NUB1: variants seen among roughly 807,000 people sequenced by gnomAD.
The protein encoded by NUB1 is negative regulator of ubiquitin like proteins 1.
In NUB1, 41 loss-of-function variants were observed where a neutral mutation model predicts 77.1. The observed-to-expected ratio is 0.53, with a 90% CI of 0.41 to 0.69. The LOEUF (loss-of-function observed/expected upper bound fraction) is 0.69, where lower values mean the gene tolerates loss of function less well. Ranked by LOEUF, NUB1 falls within the 30% of genes least tolerant of loss-of-function variation. The pLI is 0.00. For synonymous variants in NUB1, 257 were observed against 281.0 expected, an observed-to-expected ratio of 0.91 and a Z score of 0.85; for missense variants, 643 against 743.8, an observed-to-expected ratio of 0.86 and a Z score of 1.58.
At chr7:151,356,422 C>G (rs1425064726) in intron 7 of NUB1, among the ~76,000 whole-genome samples, 200 bp downstream of exon 7, 1 of 152,218 alleles carries the variant, frequency 6.6e-6, no homozygotes, top group Non-Finnish European at 1.5e-5. Flanking sequence ...CGCATTAGTA[C>G]AAAATGTCAT....
Position 151,355,949 on chromosome 7 carries a change from A to G in NUB1, c.597A>G (p.Arg199=). The G allele has an allele frequency of 6.2e-7, 1 of 1,613,544 alleles. No homozygotes were observed. The highest frequency in any genetic ancestry group is 8.5e-7 in the Non-Finnish European group (1 of 1,179,654). The change falls in exon 6 of 15, where the codon AGA becomes AGG. Residue 199 remains arginine (R), a splice_region_variant and synonymous_variant. Transcript: ENST00000568733. ...TKRGLEILAK[R]AAETVVDPEM... ...GAGGACTAGAAATACTGGCAAAGAG[A>G]GGTACCCAGAGCTCTGGGCTTGTCA...
In NUB1 at chr7:151,377,417, C is replaced by T; in HGVS notation, c.*192C>T. The stretch of plus-strand genomic sequence containing the variant: ...CGTGGTCTCGGGGAAGAAGCTTCCT[C>T]TGGCCTGGCGCAGGCCGTTCCATCT... On this transcript the variant is annotated 3_prime_UTR_variant, in exon 15 of 15. Transcript: ENST00000568733. 6.4e-6 allele frequency: 3 copies of T among 467,880 alleles called. No homozygotes were observed. Among genetic ancestry groups the T allele is most frequent in the Non-Finnish European group, 1.1e-5 (3 of 265,526 alleles). 29.0% of individuals were successfully genotyped at this position (467,880 alleles called of 1,614,324 possible). A position where few individuals can be genotyped will look rare whatever the true frequency, so the allele number is the denominator to read the frequency against.
chr7:151,372,432 C>T (rs535231168), intron 11 of NUB1, among the ~76,000 whole-genome samples: 32 of 152,332 alleles, frequency 2.1e-4, no homozygotes, highest in African/African-American at 6.5e-4. Flanking sequence ...TGCCCAGGTC[C>T]GCTGGCTGGC....
At chr7:151,344,930 G>A (rs1217380752) in intron 1 of NUB1, among the ~76,000 whole-genome samples, 6 of 152,142 alleles carry the variant, frequency 3.9e-5, no homozygotes, top group Non-Finnish European at 8.8e-5. Flanking sequence ...AACCCAGGGG[G>A]CGGAGCTTGC....
chr7:151,341,970 G>C (rs1681940384), intron 1 of NUB1, 124 bp downstream of exon 1: 1 of 1,327,070 alleles, frequency 7.5e-7, no homozygotes, highest in Non-Finnish European at 9.6e-7. Flanking sequence ...GCGGGGGTGA[G>C]CAGCCATGCG....
At chr7:151,364,941 C>T (rs1164248683) in intron 8 of NUB1, among the ~76,000 whole-genome samples, 2 of 151,228 alleles carry the variant, frequency 1.3e-5, no homozygotes, top group Non-Finnish European at 2.9e-5. Flanking sequence ...AATTGTAAAC[C>T]AAAGCAATGT....
intron 11 of NUB1, 142 bp downstream of exon 11, chr7:151,369,029 ACAGAGT>A: frequency 2.1e-6 from 2 of 959,796 alleles, no homozygotes; most frequent in Non-Finnish European, 2.9e-6. Flanking sequence ...TTTTCTTGAG[ACAGAGT>A]CTCACTTTGT....
chr7:151,367,794 G>C (rs1380935155), intron 9 of NUB1, 67 bp from the exon 10 acceptor site: 1 of 983,232 alleles, frequency 1.0e-6, no homozygotes, highest in Non-Finnish European at 1.5e-6. Flanking sequence ...GAATGACAGA[G>C]ATGAGTATTA....
chr7:151,362,003 A>G (rs923117657), intron 8 of NUB1, among the ~76,000 whole-genome samples: 1 of 152,202 alleles, frequency 6.6e-6, no homozygotes, highest in Non-Finnish European at 1.5e-5. Context: ...ATGAGCTTCC[A>G]TATACACTCA....
intron 2 of NUB1, among the ~76,000 whole-genome samples, chr7:151,346,562 G>T (rs953689481): frequency 6.6e-6 from 1 of 152,122 alleles, no homozygotes; most frequent in Non-Finnish European, 1.5e-5. Context: ...TAATACTAAT[G>T]GTCAGTGATT....
intron 8 of NUB1, among the ~76,000 whole-genome samples, chr7:151,366,055 T>C (rs1309369079): frequency 3.9e-5 from 6 of 152,228 alleles, no homozygotes; most frequent in African/African-American, 9.6e-5. Context: ...AATGTTCTTA[T>C]TGAAGACTTG....
Position 151,367,983 on chromosome 7 carries a change from G to A in NUB1, c.1095+15G>A, listed in dbSNP as rs1384146198. ...ATCTTAACAAGGTAAGAAAAGTAAA[G>A]TTGTAACCAATTTTCACCTCCTTTT... On this transcript the variant is annotated intron_variant, in intron 10 of 14. Coordinates refer to ENST00000568733, the MANE Select transcript of NUB1 (RefSeq NM_001243351.2). 1 of 1,438,100 alleles carries A rather than the reference G, an allele frequency of 7.0e-7. No homozygotes were observed. 89.1% of individuals were successfully genotyped at this position (1,438,100 alleles called of 1,614,324 possible).
At chr7:151,354,857 C>G (rs561675803) in intron 5 of NUB1, among the ~76,000 whole-genome samples, 5 of 152,342 alleles carry the variant, frequency 3.3e-5, no homozygotes, top group South Asian at 4.1e-4. Flanking sequence ...ATCCTCCCAC[C>G]TCAGCTTCCC....
chr7:151,363,698 A>G (rs909199355), intron 8 of NUB1, among the ~76,000 whole-genome samples: 1 of 152,182 alleles, frequency 6.6e-6, no homozygotes, highest in East Asian at 1.9e-4. Context: ...CTATAATCCA[A>G]TTCCCTAAAA....
intron 4 of NUB1, chr7:151,352,262 C>T: frequency 2.5e-6 from 1 of 406,454 alleles, no homozygotes; most frequent in South Asian, 1.7e-5. Context: ...GCACTGTGGT[C>T]TCCACTGCCT....
intron 13 of NUB1, chr7:151,376,423 G>A: frequency 1.8e-6 from 1 of 554,886 alleles, no homozygotes. Context: ...TGAGATGGCT[G>A]CTCCCTGACG....
At chr7:151,367,224 C>A in intron 9 of NUB1, 99 bp downstream of exon 9, 1 of 896,512 alleles carries the variant, frequency 1.1e-6, no homozygotes, top group Non-Finnish European at 1.7e-6. Context: ...AAGGTAATTT[C>A]ATTTTGATAG....
At chr7:151,348,781 G>T (rs1412748194) in intron 2 of NUB1, among the ~76,000 whole-genome samples, 1 of 151,778 alleles carries the variant, frequency 6.6e-6, no homozygotes, top group African/African-American at 2.4e-5. Flanking sequence ...CACCATGTTG[G>T]CCAGGCTGGT....
At chr7:151,352,084 C>T (rs1199309267) in intron 4 of NUB1, 1 of 456,632 alleles carries the variant, frequency 2.2e-6, no homozygotes, top group East Asian at 7.0e-5. Flanking sequence ...CTTCTTTGGT[C>T]TACATCAGGG....
Sources: allele counts gnomAD v4.1 joint callset (sites outside exome capture counted in the v4.1 genomes callset), GRCh38; gene constraint gnomAD v4.1.1; transcripts MANE v1.5; gene names NCBI Gene and HGNC (gene_info 2026-07-23, HGNC 2026-07-21).